The following FRMD4A variants were observed in gnomAD, a reference collection of about 807,000 sequenced individuals.
FRMD4A encodes the protein FERM domain containing 4A.
Under a neutral mutation model 129.1 loss-of-function variants are expected in FRMD4A, and 29 were observed. That is an observed-to-expected ratio of 0.22 (90% confidence interval 0.17 to 0.31). The LOEUF is 0.31. FRMD4A is among the 10% of genes least tolerant of loss of function. FRMD4A has a pLI of 1.00. For missense variants in FRMD4A, 1,272 were observed against 1,375.8 expected, an observed-to-expected ratio of 0.92 and a Z score of 1.19; for synonymous variants, 634 against 571.6, an observed-to-expected ratio of 1.11 and a Z score of -1.56.
intron 18 of FRMD4A, among the ~76,000 whole-genome samples, chr10:13,665,716 C>T (rs2082976879): frequency 6.6e-6 from 1 of 152,200 alleles, no homozygotes; most frequent in Non-Finnish European, 1.5e-5. Context: ...TGTACCCCAG[C>T]CCCACCTGTC....
At chr10:14,034,774 G>A (rs566677683) in intron 2 of FRMD4A, among the ~76,000 whole-genome samples, 2 of 152,268 alleles carry the variant, frequency 1.3e-5, no homozygotes, top group East Asian at 3.9e-4. Context: ...CTGACACCAG[G>A]TTCATGCATC....
At chr10:13,713,808 CACATATATATAATATATAT>C (rs1337329512) in intron 12 of FRMD4A, among the ~76,000 whole-genome samples, 5 of 119,852 alleles carry the variant, frequency 4.2e-5, no homozygotes, top group Admixed American at 1.1e-4. Context: ...AATATATATA[CACATATATATAATATATAT>C]ACATATATGT....
chr10:13,994,008 C>A (rs2095613201), intron 2 of FRMD4A, among the ~76,000 whole-genome samples: 3 of 139,606 alleles, frequency 2.1e-5, no homozygotes, highest in Admixed American at 7.7e-5. Context: ...TAGGGTGGGA[C>A]AGTCCTTTTT....
intron 2 of FRMD4A, among the ~76,000 whole-genome samples, chr10:13,974,543 T>C (rs753319258): frequency 5.3e-4 from 80 of 152,012 alleles, no homozygotes; most frequent in African/African-American, 1.6e-3. Flanking sequence ...GATTGATTGA[T>C]GGAGGCGGAG....
At chr10:13,756,768 T>C (rs1470459580) in intron 8 of FRMD4A, among the ~76,000 whole-genome samples, 1 of 152,202 alleles carries the variant, frequency 6.6e-6, no homozygotes, top group African/African-American at 2.4e-5. Context: ...GATTGGCTGA[T>C]AAGGTTTTCA....
chr10:14,259,742 T>G (rs1363949939), intron 2 of FRMD4A, among the ~76,000 whole-genome samples: 1 of 152,238 alleles, frequency 6.6e-6, no homozygotes, highest in East Asian at 1.9e-4. Context: ...CTTCCAGGTC[T>G]CCTTCTCTAT....
intron 2 of FRMD4A, among the ~76,000 whole-genome samples, chr10:14,013,591 G>A (rs2095688939): frequency 6.6e-6 from 1 of 152,180 alleles, no homozygotes; most frequent in South Asian, 2.1e-4. Flanking sequence ...AAGGCACCCT[G>A]CAAGGACAAG....
Position 13,877,458 on chromosome 10 carries a change from G to A in FRMD4A, c.46-18546C>T, listed in dbSNP as rs11258687. ...GAGCAAGACACATCTGAGAAACAGG[G>A]ACGCTCGAGAACTAGAGAACCACCA... On this transcript the variant is annotated intron_variant, in intron 2 of 24. Coordinates refer to ENST00000357447, the MANE Select transcript of FRMD4A (RefSeq NM_018027.5). Among the ~76,000 whole-genome samples the A allele has an allele frequency of 0.022, 3,344 of 151,822 alleles. 306 individuals are homozygous for A. In the East Asian group the frequency reaches 0.32, roughly 15 times the overall value.
intron 2 of FRMD4A, among the ~76,000 whole-genome samples, chr10:14,071,259 C>T (rs1393140602): frequency 1.3e-5 from 2 of 152,198 alleles, no homozygotes; most frequent in African/African-American, 4.8e-5. Flanking sequence ...TCAGAAACGA[C>T]ATTAATTCTC....
intron 4 of FRMD4A, among the ~76,000 whole-genome samples, chr10:13,805,166 TG>T (rs1388993408): frequency 1.3e-5 from 2 of 151,928 alleles, no homozygotes; most frequent in African/African-American, 2.4e-5. Flanking sequence ...CTTTAAGAGA[TG>T]GGGTCTTGCT....
chr10:14,023,636 A>G (rs10906574), intron 2 of FRMD4A, among the ~76,000 whole-genome samples: 6,644 of 152,296 alleles, frequency 0.044, 456 homozygotes, highest in East Asian at 0.27. Context: ...CCCGTGGCCA[A>G]CAGAAAACCC....
intron 2 of FRMD4A, among the ~76,000 whole-genome samples, chr10:14,025,128 T>G (rs886915992): frequency 3.9e-5 from 6 of 152,206 alleles, no homozygotes; most frequent in African/African-American, 1.4e-4. Flanking sequence ...TATTATTAGA[T>G]CCCTCACACT....
chr10:13,916,857 C>T (rs1386861962), intron 2 of FRMD4A, among the ~76,000 whole-genome samples: 2 of 152,014 alleles, frequency 1.3e-5, no homozygotes, highest in African/African-American at 4.8e-5. Flanking sequence ...CTCATTTCCC[C>T]CCAAAAAAGA....
At chr10:13,987,740 G>C (rs912727217) in intron 2 of FRMD4A, among the ~76,000 whole-genome samples, 2 of 152,098 alleles carry the variant, frequency 1.3e-5, no homozygotes, top group Non-Finnish European at 2.9e-5. Context: ...TCTTTAACTC[G>C]ATGCACAAAG....
At chr10:14,063,619 T>C (rs1018071302) in intron 2 of FRMD4A, among the ~76,000 whole-genome samples, 1 of 152,144 alleles carries the variant, frequency 6.6e-6, no homozygotes, top group African/African-American at 2.4e-5. Context: ...TTTGTAATTC[T>C]GTTGAAACCC....
chr10:14,047,025 T>C (rs549093922), intron 2 of FRMD4A, among the ~76,000 whole-genome samples: 1 of 152,164 alleles, frequency 6.6e-6, no homozygotes, highest in Admixed American at 6.6e-5. Context: ...GAAGATGGGG[T>C]GCTCAGGCCT....
intron 2 of FRMD4A, among the ~76,000 whole-genome samples, chr10:14,053,024 T>G (rs1156552071): frequency 6.6e-6 from 1 of 152,098 alleles, no homozygotes; most frequent in Non-Finnish European, 1.5e-5. Flanking sequence ...CATATTTCAA[T>G]AAGAGATTTG....
intron 2 of FRMD4A, among the ~76,000 whole-genome samples, chr10:14,173,396 G>T (rs759839587): frequency 2.6e-5 from 4 of 152,126 alleles, no homozygotes; most frequent in Non-Finnish European, 4.4e-5. Flanking sequence ...CCAGTTCCCC[G>T]TGAGCATTTC....
chr10:14,010,866 T>A (rs2095679833), intron 2 of FRMD4A, among the ~76,000 whole-genome samples: 1 of 152,100 alleles, frequency 6.6e-6, no homozygotes, highest in Non-Finnish European at 1.5e-5. Flanking sequence ...GGATATGCAT[T>A]CATACTCTCA....
Sources: gnomAD v4.1 joint callset for allele counts (sites outside exome capture counted in the v4.1 genomes callset) on GRCh38, gnomAD v4.1.1 for gene constraint, MANE v1.5 for transcripts, NCBI Gene and HGNC (gene_info 2026-07-23, HGNC 2026-07-21) for gene names.